PRELID2: variants seen among roughly 807,000 people sequenced by gnomAD.
PRELID2 encodes PRELI domain containing 2, also known as PRELI domain-containing protein 2.
A neutral mutation model predicts 28.4 loss-of-function variants in PRELID2; 25 were observed. The ratio of observed to expected loss-of-function variants is 0.88; its 90% CI spans 0.64 to 1.23. The LOEUF (loss-of-function observed/expected upper bound fraction) is 1.23, where lower values mean the gene tolerates loss of function less well. Among genes scored for constraint, PRELID2 ranks in the 50% most tolerant of loss-of-function variants. The pLI, the probability that PRELID2 is intolerant of heterozygous loss-of-function variation, is 0.00. For synonymous variants in PRELID2, 76 were observed against 71.6 expected (o/e 1.06, Z -0.31); for missense variants, 201 against 214.4 (o/e 0.94, Z 0.39).
intron 1 of PRELID2, among the ~76,000 whole-genome samples, chr5:145,617,429 T>C (rs995052813): frequency 6.6e-6 from 1 of 152,188 alleles, no homozygotes; most frequent in African/African-American, 2.4e-5. Flanking sequence ...GTCCATGAAA[T>C]CTTCACAATT....
intron 1 of PRELID2, among the ~76,000 whole-genome samples, chr5:145,549,979 CA>C (rs1752821082): frequency 6.6e-6 from 1 of 152,044 alleles, no homozygotes; most frequent in South Asian, 2.1e-4. Context: ...AGTCCTGCCA[CA>C]AGGGAGGCAT....
the PRELID2 span, among the ~76,000 whole-genome samples, chr5:145,315,904 A>G: frequency 6.6e-6 from 1 of 152,210 alleles, no homozygotes; most frequent in Non-Finnish European, 1.5e-5. Flanking sequence ...GTATATTGTC[A>G]TACTTCAATT....
chr5:145,525,989 T>G (rs1752602801), intron 1 of PRELID2, among the ~76,000 whole-genome samples: 2 of 152,188 alleles, frequency 1.3e-5, no homozygotes. Context: ...TGCAAGGGGC[T>G]GGGAGTCAAA....
chr5:145,229,911 C>T, the PRELID2 span: 1 of 750,100 alleles, frequency 1.3e-6, no homozygotes. Flanking sequence ...CTGGGAGTCC[C>T]CACTGTCTCT....
the PRELID2 span, among the ~76,000 whole-genome samples, chr5:145,421,961 C>A: frequency 6.6e-6 from 1 of 151,880 alleles, no homozygotes; most frequent in Non-Finnish European, 1.5e-5. Flanking sequence ...TCAAAGAACA[C>A]CTTTATTTCT....
chr5:145,282,495 T>C, the PRELID2 span, among the ~76,000 whole-genome samples: 2 of 151,974 alleles, frequency 1.3e-5, no homozygotes, highest in African/African-American at 4.8e-5. Flanking sequence ...TGGGATAAAT[T>C]GACTTCTGAG....
chr5:145,474,609 G>C (rs1313949114), intron 1 of PRELID2, among the ~76,000 whole-genome samples: 1 of 152,136 alleles, frequency 6.6e-6, no homozygotes, highest in African/African-American at 2.4e-5. Context: ...AAGCAGTCCT[G>C]ATCATAATTG....
intron 1 of PRELID2, among the ~76,000 whole-genome samples, chr5:145,678,894 T>C (rs1754876962): frequency 6.6e-6 from 1 of 152,214 alleles, no homozygotes; most frequent in Non-Finnish European, 1.5e-5. Context: ...TTGTGGTGGG[T>C]ATGAATTTTC....
At chr5:145,280,646 T>C in the PRELID2 span, among the ~76,000 whole-genome samples, 1 of 151,732 alleles carries the variant, frequency 6.6e-6, no homozygotes, top group Non-Finnish European at 1.5e-5. Flanking sequence ...AAACTTAAAG[T>C]ATAATAATAA....
At chr5:145,740,753 T>A (rs1292555342) in intron 1 of PRELID2, among the ~76,000 whole-genome samples, 5 of 118,218 alleles carry the variant, frequency 4.2e-5, no homozygotes, top group Non-Finnish European at 6.5e-5. Flanking sequence ...ATATATTATA[T>A]ATTTATGTAT....
the PRELID2 span, among the ~76,000 whole-genome samples, chr5:145,352,490 A>G: frequency 2.0e-5 from 3 of 152,134 alleles, no homozygotes; most frequent in Admixed American, 2.0e-4. Flanking sequence ...TAGAGAAGGA[A>G]GCCCCTGGGT....
intron 1 of PRELID2, among the ~76,000 whole-genome samples, chr5:145,685,929 A>G (rs1755029219): frequency 6.6e-6 from 1 of 152,192 alleles, no homozygotes; most frequent in Non-Finnish European, 1.5e-5. Flanking sequence ...GATCCAAAAA[A>G]GCTGCTTGAC....
intron 1 of PRELID2, among the ~76,000 whole-genome samples, chr5:145,610,086 G>C (rs1753589325): frequency 6.6e-6 from 1 of 152,210 alleles, no homozygotes; most frequent in Admixed American, 6.5e-5. Flanking sequence ...CCTCAGTATA[G>C]AAGTGCAGTG....
chr5:145,768,843 C>A (rs979895676), intron 5 of PRELID2, among the ~76,000 whole-genome samples: 3 of 151,932 alleles, frequency 2.0e-5, no homozygotes, highest in Non-Finnish European at 4.4e-5. Flanking sequence ...TTTTTCCCCC[C>A]CTCTCATACC....
chr5:145,763,015 A>C (rs1306815507), intron 6 of PRELID2, among the ~76,000 whole-genome samples: 1 of 152,236 alleles, frequency 6.6e-6, no homozygotes, highest in African/African-American at 2.4e-5. Flanking sequence ...AGACCTACTG[A>C]ATCAGAACTT....
intron 1 of PRELID2, among the ~76,000 whole-genome samples, chr5:145,541,095 T>C (rs1752741135): frequency 6.6e-6 from 1 of 152,050 alleles, no homozygotes; most frequent in Non-Finnish European, 1.5e-5. Flanking sequence ...TGAGGATTCT[T>C]TGTACTATTC....
the PRELID2 span, among the ~76,000 whole-genome samples, chr5:145,246,898 G>A: frequency 0.084 from 12,802 of 152,066 alleles, 1,178 homozygotes; most frequent in African/African-American, 0.23. Context: ...GGCCCTTTCC[G>A]GAAAAGACCC....
At chr5:145,254,585 AC>A in the PRELID2 span, among the ~76,000 whole-genome samples, 1 of 152,042 alleles carries the variant, frequency 6.6e-6, no homozygotes, top group Non-Finnish European at 1.5e-5. Context: ...ACTGAGAGAA[AC>A]CCTACAGGTC....
intron 1 of PRELID2, among the ~76,000 whole-genome samples, chr5:145,719,634 G>A (rs1311422686): frequency 1.3e-5 from 2 of 151,890 alleles, no homozygotes; most frequent in African/African-American, 4.8e-5. Flanking sequence ...TGAATTAAAT[G>A]CTTATAGTCT....
Sources: gnomAD v4.1 joint callset for allele counts (sites outside exome capture counted in the v4.1 genomes callset) on GRCh38, gnomAD v4.1.1 for gene constraint, MANE v1.5 for transcripts, NCBI Gene and HGNC (gene_info 2026-07-23, HGNC 2026-07-21) for gene names.